TBXAS1: variants seen among roughly 807,000 people sequenced by gnomAD.
TBXAS1 encodes thromboxane-A synthase.
TBXAS1 carries 48 observed loss-of-function variants against 60.7 expected under a neutral mutation model. That is an observed-to-expected ratio of 0.79 (90% CI 0.63 to 1.01). The LOEUF is 1.01. TBXAS1 is among the 50% of genes least tolerant of loss of function. The pLI, the probability that TBXAS1 is intolerant of heterozygous loss-of-function variation, is 0.00. For synonymous variants in TBXAS1, 287 were observed against 269.7 expected (o/e 1.06, Z -0.63); for missense variants, 685 against 686.3 (o/e 1.00, Z 0.02).
intron 3 of TBXAS1, among the ~76,000 whole-genome samples, chr7:139,894,769 T>C (rs1361129668): frequency 6.6e-6 from 1 of 152,208 alleles, no homozygotes; most frequent in Non-Finnish European, 1.5e-5. Flanking sequence ...GGTTTCCCCA[T>C]GTCTTGAAGT....
At chr7:139,917,386 A>G (rs536823949) in intron 4 of TBXAS1, among the ~76,000 whole-genome samples, 1 of 152,252 alleles carries the variant, frequency 6.6e-6, no homozygotes, top group African/African-American at 2.4e-5. Context: ...TGGTATGGCG[A>G]AAGGTCTTTG....
chr7:139,855,385 C>G (rs186932391), intron 1 of TBXAS1, among the ~76,000 whole-genome samples: 11 of 152,138 alleles, frequency 7.2e-5, no homozygotes, highest in Non-Finnish European at 1.3e-4. Flanking sequence ...CTTGGCCCCA[C>G]GGTCTTGAGT....
chr7:139,988,975 C>T (rs8192855), intron 9 of TBXAS1, among the ~76,000 whole-genome samples: 40,168 of 152,056 alleles, frequency 0.26, 5,627 homozygotes, highest in Middle Eastern at 0.35. Context: ...TGTCTGTGCC[C>T]GGGCAGGGCA....
chr7:139,811,532 C>T (rs527408048), intron 4 of TBXAS1, among the ~76,000 whole-genome samples: 1 of 152,182 alleles, frequency 6.6e-6, no homozygotes, highest in Non-Finnish European at 1.5e-5. Context: ...CCTGGCATGA[C>T]TGGGTGTCTT....
chr7:139,877,175 G>A (rs1212357788), intron 3 of TBXAS1, among the ~76,000 whole-genome samples: 1 of 152,300 alleles, frequency 6.6e-6, no homozygotes, highest in East Asian at 1.9e-4. Context: ...GATGGAGCAG[G>A]GAGGTGTACT....
intron 2 of TBXAS1, 92 bp downstream of exon 2, chr7:139,872,420 C>T (rs1801892752): frequency 1.3e-5 from 16 of 1,278,588 alleles, no homozygotes; most frequent in Admixed American, 3.5e-5. Context: ...TTTGGGAGGC[C>T]GAAGCGTGTG....
chr7:139,894,904 C>T (rs1381789773), intron 3 of TBXAS1, among the ~76,000 whole-genome samples: 1 of 152,192 alleles, frequency 6.6e-6, no homozygotes, highest in East Asian at 1.9e-4. Flanking sequence ...ATGTATCATT[C>T]ATGTCTCTTT....
Position 139,957,892 on chromosome 7 carries a change from T to C in TBXAS1, c.819+128T>C, listed in dbSNP as rs560152752. The C allele has an allele frequency of 3.9e-4, 526 of 1,353,278 alleles. 2 individuals are homozygous for C. The highest frequency in any genetic ancestry group is 1.7e-3 in the Admixed American group (88 of 51,142). The allele number at this position is 1,353,278 out of a possible 1,614,324, so 83.8% of individuals were successfully genotyped here. ...GTGCCGTCCTTCAGCAACCCACCAC[T>C]TACAGCTTCCAGGGACAGTGGAGAG... is the stretch of plus-strand genomic sequence containing the variant. On this transcript the variant is annotated intron_variant, in intron 8 of 12. Transcript: ENST00000448866.
intron 1 of TBXAS1, among the ~76,000 whole-genome samples, chr7:139,858,561 T>G (rs1173043603): frequency 6.6e-6 from 1 of 152,220 alleles, no homozygotes; most frequent in Non-Finnish European, 1.5e-5. Context: ...TCTGGTCCAC[T>G]AGGCTGTAAG....
chr7:139,983,235 C>T (rs1167671079), intron 9 of TBXAS1, among the ~76,000 whole-genome samples: 1 of 152,212 alleles, frequency 6.6e-6, no homozygotes, highest in East Asian at 1.9e-4. Flanking sequence ...CCTCGGCTCA[C>T]TATTTTGGTG....
intron 8 of TBXAS1, among the ~76,000 whole-genome samples, chr7:139,961,100 GA>G (rs1331389117): frequency 5.3e-5 from 8 of 152,046 alleles, no homozygotes; most frequent in African/African-American, 1.7e-4. Context: ...GGGGGAAATG[GA>G]AAAAAAGCTC....
chr7:139,959,828 G>T (rs931114345), intron 8 of TBXAS1, among the ~76,000 whole-genome samples: 15 of 152,144 alleles, frequency 9.9e-5, no homozygotes, highest in African/African-American at 3.6e-4. Flanking sequence ...GAGGTCTGGG[G>T]GTGCTCTGGG....
intron 1 of TBXAS1, among the ~76,000 whole-genome samples, chr7:139,837,027 A>G (rs1440054439): frequency 2.0e-5 from 3 of 152,242 alleles, no homozygotes; most frequent in Non-Finnish European, 4.4e-5. Context: ...TCAAAAGAAG[A>G]TATATAAATG....
intron 9 of TBXAS1, among the ~76,000 whole-genome samples, chr7:140,005,730 C>T (rs1814027775): frequency 1.3e-5 from 2 of 152,246 alleles, no homozygotes. Flanking sequence ...TGGGATTAAA[C>T]TACATATAAT....
intron 9 of TBXAS1, among the ~76,000 whole-genome samples, chr7:139,998,179 C>T (rs1018388445): frequency 6.6e-6 from 1 of 152,176 alleles, no homozygotes; most frequent in Non-Finnish European, 1.5e-5. Flanking sequence ...AGTAATCTCT[C>T]GTGTTAGAAG....
At chr7:139,973,099 A>G (rs1811327550) in intron 9 of TBXAS1, among the ~76,000 whole-genome samples, 2 of 152,044 alleles carry the variant, frequency 1.3e-5, no homozygotes, top group South Asian at 4.2e-4. Context: ...TTGCAGTGCA[A>G]TTGCCCAGAA....
chr7:139,896,952 G>A lies in TBXAS1; in HGVS notation c.237-14273G>A, dbSNP rs924435219. 3.9e-5 allele frequency among the ~76,000 whole-genome samples: 6 copies of A among 152,166 alleles called. No individual in the cohort carries two copies. The highest frequency in any genetic ancestry group is 8.8e-5 in the Non-Finnish European group (6 of 68,028). On this transcript the variant is annotated intron_variant, in intron 3 of 12. Transcript: ENST00000448866. The surrounding 1 kb of genome is among the most constrained non-coding windows in gnomAD (Gnocchi z 4.0). ...GGTGATTGGCCTTGGCGGGAGGGTTGGTTTGGAGACAGAGAGCTTCACTGG... is the reference window on the plus strand; with the variant it reads ...GGTGATTGGCCTTGGCGGGAGGGTTAGTTTGGAGACAGAGAGCTTCACTGG...
intron 9 of TBXAS1, among the ~76,000 whole-genome samples, chr7:139,980,487 T>G (rs1005283507): frequency 2.6e-5 from 4 of 152,070 alleles, no homozygotes; most frequent in Non-Finnish European, 5.9e-5. Flanking sequence ...CAGAGGCCTC[T>G]CTCCTCAGGT....
At chr7:139,871,978 T>A (rs1278483228) in intron 1 of TBXAS1, among the ~76,000 whole-genome samples, 1 of 152,190 alleles carries the variant, frequency 6.6e-6, no homozygotes, top group African/African-American at 2.4e-5. Flanking sequence ...TTGGACTACA[T>A]CATCTGTAAG....
Sources: allele counts gnomAD v4.1 joint callset (sites outside exome capture counted in the v4.1 genomes callset), GRCh38; gene constraint gnomAD v4.1.1; non-coding constraint Gnocchi (gnomAD v3.1); transcripts MANE v1.5; gene names NCBI Gene and HGNC (gene_info 2026-07-23, HGNC 2026-07-21).